Variants in EZH2 observed in about 807,000 individuals in gnomAD.
The protein encoded by EZH2 is enhancer of zeste 2 polycomb repressive complex 2 subunit, also known as histone-lysine N-methyltransferase EZH2.
In EZH2, 18 loss-of-function variants were observed where a neutral mutation model predicts 98.4. The observed-to-expected ratio is 0.18, with a 90% CI of 0.13 to 0.27. The LOEUF (loss-of-function observed/expected upper bound fraction) is 0.27, where lower values mean the gene tolerates loss of function less well. Among genes scored for constraint, EZH2 ranks in the 10% least tolerant of loss-of-function variants. The pLI is 1.00. For missense variants in EZH2, 470 were observed against 935.1 expected, an observed-to-expected ratio of 0.50 and a Z score of 6.49; for synonymous variants, 338 against 312.3, an observed-to-expected ratio of 1.08 and a Z score of -0.87.
chr7:148,828,050 G>A (rs575975559), intron 6 of EZH2, among the ~76,000 whole-genome samples: 18 of 152,344 alleles, frequency 1.2e-4, no homozygotes, highest in African/African-American at 3.1e-4. Context: ...CCCAGGAGGC[G>A]AAGCTTGCAG....
At chr7:148,827,382 CT>C in intron 6 of EZH2, 116 bp from the exon 7 acceptor site, 1 of 734,362 alleles carries the variant, frequency 1.4e-6, no homozygotes, top group Non-Finnish European at 2.2e-6. Flanking sequence ...GAAATCATCT[CT>C]ATTTTGTGTT....
chr7:148,865,071 A>C (rs1818246665), intron 1 of EZH2, among the ~76,000 whole-genome samples: 1 of 151,720 alleles, frequency 6.6e-6, no homozygotes, highest in South Asian at 2.1e-4. Flanking sequence ...AGGATGCGTT[A>C]AGCTGAGATC....
chr7:148,849,037 A>G (rs987541019), intron 1 of EZH2, among the ~76,000 whole-genome samples: 17 of 152,094 alleles, frequency 1.1e-4, no homozygotes, highest in African/African-American at 4.1e-4. Context: ...AATAGTTGTT[A>G]TACTGTATTG....
intron 1 of EZH2, among the ~76,000 whole-genome samples, chr7:148,865,724 C>G (rs1021080594): frequency 2.0e-5 from 3 of 152,170 alleles, no homozygotes; most frequent in Non-Finnish European, 4.4e-5. Context: ...GCCTTGTACA[C>G]TAACTTTATA....
chr7:148,879,091 G>A (rs1038034708), intron 1 of EZH2, among the ~76,000 whole-genome samples: 2 of 150,726 alleles, frequency 1.3e-5, no homozygotes, highest in Non-Finnish European at 3.0e-5. Flanking sequence ...CAGGTGTGGT[G>A]GTGCGTTCCC....
At position 148,872,525 on chromosome 7, in the gene EZH2, A is replaced by C. The variant is rs146825427; in HGVS notation, c.-8+11639T>G. On this transcript the variant is annotated intron_variant, in intron 1 of 19. Transcript: ENST00000320356. Reference sequence around the variant, plus strand: ...TTAAAAAAAGTAAAATGTTTGATTTAGAAACTACATGTATATTAGGTACAG... The same window carrying C: ...TTAAAAAAAGTAAAATGTTTGATTTCGAAACTACATGTATATTAGGTACAG... 5.6e-3 allele frequency among the ~76,000 whole-genome samples: 860 copies of C among 152,354 alleles called. 12 individuals are homozygous for C. The highest frequency in any genetic ancestry group is 0.019 in the African/African-American group (777 of 41,576).
chr7:148,831,217 A>C (rs867087014), intron 4 of EZH2, among the ~76,000 whole-genome samples: 32 of 152,344 alleles, frequency 2.1e-4, no homozygotes, highest in Admixed American at 4.6e-4. Context: ...CCGTAGACAG[A>C]CAAGGAAAAG....
chr7:148,821,225 T>G (rs1805990430), intron 8 of EZH2, among the ~76,000 whole-genome samples: 4 of 152,054 alleles, frequency 2.6e-5, no homozygotes, highest in Non-Finnish European at 4.4e-5. Context: ...AAGAATGTAC[T>G]GAGAAACTGA....
At position 148,847,246 on chromosome 7, in the gene EZH2, C is replaced by T. The variant is rs2129485381; in HGVS notation, c.53G>A (p.Arg18His). 7.4e-6 allele frequency: 12 copies of T among 1,613,900 alleles called. No individual in the cohort carries two copies. Among genetic ancestry groups the T allele is most frequent in the Non-Finnish European group, 9.3e-6 (11 of 1,179,908 alleles). ...SEKGPVCWRK[R>H]VKSEYMRLRQ... ...CAGTCGCATGTACTCTGATTTTACA[C>T]GCTTCCGCCAACAAACTGGTCCCTT... The change falls in exon 2 of 20, where the codon CGT becomes CAT. Residue 18 changes from arginine to histidine, a missense_variant. Coordinates refer to ENST00000320356, the MANE Select transcript of EZH2 (RefSeq NM_004456.5).
intron 15 of EZH2, among the ~76,000 whole-genome samples, chr7:148,812,760 G>A (rs901180741): frequency 2.6e-5 from 4 of 152,098 alleles, no homozygotes; most frequent in African/African-American, 4.8e-5. Flanking sequence ...AACGGAACCA[G>A]AGTCACTGTG....
At chr7:148,848,541 C>G (rs1365284831) in intron 1 of EZH2, among the ~76,000 whole-genome samples, 1 of 152,088 alleles carries the variant, frequency 6.6e-6, no homozygotes, top group Non-Finnish European at 1.5e-5. Flanking sequence ...AGTAAGAGTC[C>G]TGAGGCCAAT....
At chr7:148,866,392 TG>T (rs1351618219) in intron 1 of EZH2, among the ~76,000 whole-genome samples, 2 of 151,710 alleles carry the variant, frequency 1.3e-5, no homozygotes, top group Admixed American at 6.6e-5. Flanking sequence ...ATTCCCAGCT[TG>T]CCCCTTCTAT....
Position 148,807,638 on chromosome 7 carries a change from A to G in EZH2, c.*8T>C. On this transcript the variant is annotated 3_prime_UTR_variant, in exon 20 of 20. Coordinates refer to ENST00000320356, the MANE Select transcript of EZH2 (RefSeq NM_004456.5). Reference sequence around the variant, plus strand: ...TGTTTCAGAGGAGGGGGGAGGAGGTAGCAGATGTCAAGGGATTTCCATTTC... The same window carrying G: ...TGTTTCAGAGGAGGGGGGAGGAGGTGGCAGATGTCAAGGGATTTCCATTTC... 1 of 1,592,094 alleles carries G rather than the reference A, an allele frequency of 6.3e-7. No individual in the cohort carries two copies. The highest frequency in any genetic ancestry group is 8.6e-7 in the Non-Finnish European group (1 of 1,168,122).
In EZH2 at chr7:148,829,850, T is replaced by A. The variant is rs1429372411; in HGVS notation, c.364-2A>T. The A allele has an allele frequency of 1.3e-6, 2 of 1,549,460 alleles. No homozygotes were observed. The highest frequency in any genetic ancestry group is 2.0e-5 in the Admixed American group (1 of 50,098). On this transcript the variant is annotated splice_acceptor_variant, in intron 4 of 19. Transcript: ENST00000320356. LOFTEE classifies it high-confidence loss of function. ...ATGTAAAACAGTTTCATCTTCCACC[T>A]AAAAGAAAAAAATATATTTAAAAAG...
chr7:148,828,927 C>G (rs1394855466), intron 5 of EZH2, 47 bp from the exon 6 acceptor site: 2 of 1,548,856 alleles, frequency 1.3e-6, no homozygotes, highest in African/African-American at 1.4e-5. Flanking sequence ...GCAATAATGT[C>G]AAAAGTTTAT....
chr7:148,875,873 T>C (rs1241473095), intron 1 of EZH2: 1 of 152,222 alleles, frequency 6.6e-6, no homozygotes. Flanking sequence ...GAGAGTTTAC[T>C]ACAAGTCAGG....
chr7:148,833,167 A>T (rs1214627344), intron 3 of EZH2, among the ~76,000 whole-genome samples: 1 of 152,204 alleles, frequency 6.6e-6, no homozygotes, highest in African/African-American at 2.4e-5. Context: ...AATAAGAATA[A>T]GAAAACTTGG....
intron 14 of EZH2, 30 bp downstream of exon 14, chr7:148,814,884 T>C: frequency 6.2e-7 from 1 of 1,605,794 alleles, no homozygotes; most frequent in Non-Finnish European, 8.5e-7. Context: ...TTAGTTCTCA[T>C]GCAATTGCAT....
chr7:148,882,334 G>T (rs903267953), intron 1 of EZH2, among the ~76,000 whole-genome samples: 1 of 152,036 alleles, frequency 6.6e-6, no homozygotes, highest in African/African-American at 2.4e-5. Context: ...TTGTTTTCTT[G>T]GAATATATTC....
Sources: gnomAD v4.1 joint callset for allele counts (sites outside exome capture counted in the v4.1 genomes callset) on GRCh38, gnomAD v4.1.1 for gene constraint, MANE v1.5 for transcripts, NCBI Gene and HGNC (gene_info 2026-07-23, HGNC 2026-07-21) for gene names.